The following ST18 variants were observed in gnomAD, a reference collection of about 807,000 sequenced individuals.
ST18 encodes the protein ST18 C2H2C-type zinc finger transcription factor.
ST18 carries 50 observed loss-of-function variants against 110.0 expected under a neutral mutation model. That is an observed-to-expected ratio of 0.45 (90% CI 0.36 to 0.58). The LOEUF (loss-of-function observed/expected upper bound fraction) is 0.58. Ranked by LOEUF, ST18 falls within the 20% of genes least tolerant of loss-of-function variation. The probability of loss-of-function intolerance (pLI) is 0.00; values close to 1 mark genes in which losing one functional copy is unlikely to be tolerated. For missense variants in ST18, 1,306 were observed against 1,280.1 expected, an observed-to-expected ratio of 1.02 and a Z score of -0.31; for synonymous variants, 461 against 452.4, an observed-to-expected ratio of 1.02 and a Z score of -0.24.
At chr8:52,245,933 A>T (rs2093807934) in intron 2 of ST18, among the ~76,000 whole-genome samples, 1 of 152,134 alleles carries the variant, frequency 6.6e-6, no homozygotes, top group African/African-American at 2.4e-5. Context: ...GATATATGAG[A>T]TCGGAAATTC....
At chr8:52,205,246 T>C (rs2079547876) in intron 8 of ST18, among the ~76,000 whole-genome samples, 1 of 151,194 alleles carries the variant, frequency 6.6e-6, no homozygotes, top group African/African-American at 2.4e-5. Context: ...AACTATTTAG[T>C]CCTTTGTGGT....
intron 2 of ST18, among the ~76,000 whole-genome samples, chr8:52,308,363 C>T (rs1344244562): frequency 6.6e-6 from 1 of 152,156 alleles, no homozygotes; most frequent in Non-Finnish European, 1.5e-5. Flanking sequence ...ACTTAATTTC[C>T]AAAATAACTC....
intron 8 of ST18, among the ~76,000 whole-genome samples, chr8:52,191,924 G>A (rs1004802477): frequency 6.6e-6 from 1 of 152,144 alleles, no homozygotes; most frequent in Non-Finnish European, 1.5e-5. Context: ...GGAGACTGGG[G>A]GTGAAATGGG....
At chr8:52,128,237 G>A (rs2047868906) in intron 22 of ST18, among the ~76,000 whole-genome samples, 3 of 152,174 alleles carry the variant, frequency 2.0e-5, no homozygotes. Flanking sequence ...CCAAAGTGCT[G>A]GGATTACAGG....
chr8:52,361,861 T>C (rs1026578343), intron 2 of ST18, among the ~76,000 whole-genome samples: 1 of 152,192 alleles, frequency 6.6e-6, no homozygotes, highest in African/African-American at 2.4e-5. Flanking sequence ...CAGATCTTTA[T>C]TTCCATCTCT....
intron 8 of ST18, among the ~76,000 whole-genome samples, chr8:52,183,881 A>T (rs2070917641): frequency 6.6e-6 from 1 of 152,244 alleles, no homozygotes; most frequent in Admixed American, 6.5e-5. Flanking sequence ...ATTTGCTTTA[A>T]ATCTCACATT....
chr8:52,268,936 T>G (rs1025071478), intron 2 of ST18, among the ~76,000 whole-genome samples: 1 of 152,216 alleles, frequency 6.6e-6, no homozygotes, highest in Non-Finnish European at 1.5e-5. Flanking sequence ...TGTCTCACTC[T>G]GCAGAACACA....
At chr8:52,405,945 G>A (rs926265589) in intron 2 of ST18, 1 of 152,150 alleles carries the variant, frequency 6.6e-6, no homozygotes, top group East Asian at 1.9e-4. Flanking sequence ...CTTTGAGTTC[G>A]ACGTGGAGTT....
chr8:52,163,868 C>G, intron 13 of ST18, 118 bp downstream of exon 13: 2 of 694,208 alleles, frequency 2.9e-6, no homozygotes, highest in South Asian at 3.8e-5. Flanking sequence ...ACACCCAGGT[C>G]TACTGGGGCT....
intron 2 of ST18, among the ~76,000 whole-genome samples, chr8:52,349,804 T>TGTGA (rs969167836): frequency 2.1e-4 from 32 of 151,366 alleles, no homozygotes; most frequent in African/African-American, 7.8e-4. Flanking sequence ...ACTGCAAAGG[T>TGTGA]GTGAGCAGGA....
chr8:52,353,516 C>G (rs962234339), intron 2 of ST18, among the ~76,000 whole-genome samples: 3 of 152,152 alleles, frequency 2.0e-5, no homozygotes, highest in African/African-American at 7.2e-5. Flanking sequence ...AAAACACACT[C>G]TCACAGACAC....
intron 2 of ST18, among the ~76,000 whole-genome samples, chr8:52,295,998 G>GA (rs761270867): frequency 2.2e-4 from 32 of 147,470 alleles, no homozygotes; most frequent in South Asian, 6.4e-4. Flanking sequence ...TGTCTTGCTG[G>GA]AAAAAAAAAA....
At chr8:52,150,921 T>A (rs1394817619) in intron 15 of ST18, 1 of 152,198 alleles carries the variant, frequency 6.6e-6, no homozygotes, top group Non-Finnish European at 1.5e-5. Flanking sequence ...CTGGGATGGC[T>A]CATGTGGTGT....
chr8:52,120,830 GGT>G (rs745640072), intron 23 of ST18, among the ~76,000 whole-genome samples: 16 of 152,164 alleles, frequency 1.1e-4, no homozygotes, highest in Non-Finnish European at 2.2e-4. Context: ...GTCCTGGCTG[GGT>G]GTAGGGAAGT....
intron 3 of ST18, chr8:52,221,996 C>CTG (rs2086942764): frequency 4.6e-5 from 7 of 152,060 alleles, no homozygotes; most frequent in African/African-American, 1.7e-4. Flanking sequence ...AGCTTTCCAC[C>CTG]TGCCTATTCC....
chr8:52,208,608 C>T (rs1428483023), intron 8 of ST18, among the ~76,000 whole-genome samples: 1 of 152,140 alleles, frequency 6.6e-6, no homozygotes, highest in Non-Finnish European at 1.5e-5. Flanking sequence ...GGGAGGATCA[C>T]GAGGTCAGGA....
intron 2 of ST18, among the ~76,000 whole-genome samples, chr8:52,269,973 C>T (rs1010470241): frequency 1.3e-5 from 2 of 152,078 alleles, no homozygotes; most frequent in African/African-American, 4.8e-5. Flanking sequence ...GTTTAAAAAA[C>T]AACTTGTGTT....
intron 2 of ST18, among the ~76,000 whole-genome samples, chr8:52,395,838 C>T (rs951591322): frequency 9.2e-5 from 14 of 152,040 alleles, no homozygotes; most frequent in African/African-American, 3.4e-4. Flanking sequence ...TGGGATAGGC[C>T]AAAACATAAT....
At chr8:52,155,978 G>A (rs886673246) in intron 15 of ST18, among the ~76,000 whole-genome samples, 9 of 152,138 alleles carry the variant, frequency 5.9e-5, no homozygotes, top group African/African-American at 2.2e-4. Context: ...AATGAGAGAT[G>A]CTCATTGTGT....
Sources: gnomAD v4.1 joint callset for allele counts (sites outside exome capture counted in the v4.1 genomes callset) on GRCh38, gnomAD v4.1.1 for gene constraint, MANE v1.5 for transcripts, NCBI Gene and HGNC (gene_info 2026-07-23, HGNC 2026-07-21) for gene names.